The following COL6A2 variants were observed in gnomAD, a reference collection of about 807,000 sequenced individuals.
The protein encoded by COL6A2 is collagen alpha-2(VI) chain.
A neutral mutation model predicts 124.9 loss-of-function variants in COL6A2; 90 were observed. The observed-to-expected ratio is 0.72, with a 90% CI of 0.61 to 0.86. The LOEUF (loss-of-function observed/expected upper bound fraction) is 0.86. Ranked by LOEUF, COL6A2 falls within the 40% of genes least tolerant of loss-of-function variation. The pLI is 0.00. For synonymous variants in COL6A2, 793 were observed against 618.2 expected (o/e 1.28, Z -4.19); for missense variants, 1,607 against 1,502.5 (o/e 1.07, Z -1.15).
At chr21:46,098,716 G>T (rs2078254046) in intron 1 of COL6A2, 1 of 152,068 alleles carries the variant, frequency 6.6e-6, no homozygotes, top group South Asian at 2.1e-4. Flanking sequence ...GACGCGGGTG[G>T]CCCCGACGCC....
At chr21:46,098,859 C>G (rs2078255873) in intron 1 of COL6A2, 2 of 152,274 alleles carry the variant, frequency 1.3e-5, no homozygotes, top group South Asian at 4.1e-4. Flanking sequence ...CCGGGCCGCC[C>G]ACACCCGCCC....
At chr21:46,113,170 TC>T (rs1471690592) in intron 4 of COL6A2, among the ~76,000 whole-genome samples, 2 of 151,700 alleles carry the variant, frequency 1.3e-5, no homozygotes, top group Non-Finnish European at 2.9e-5. Context: ...ATCATCGGGG[TC>T]CATGACATCC....
chr21:46,118,979 T>A (rs887158758), intron 13 of COL6A2, 51 bp from the exon 14 acceptor site: 3 of 1,390,958 alleles, frequency 2.2e-6, no homozygotes, highest in Non-Finnish European at 3.1e-6. Context: ...GGCGTGACCA[T>A]GCCTCAGGGC....
At chr21:46,120,451 T>G (rs1377526797) in intron 15 of COL6A2, 64 bp from the exon 16 acceptor site, 1 of 1,381,222 alleles carries the variant, frequency 7.2e-7, no homozygotes, top group Non-Finnish European at 1.0e-6. Flanking sequence ...CACCCGCCTC[T>G]CACATGGGAC....
At chr21:46,120,947 G>A (rs927976128) in intron 16 of COL6A2, 114 bp from the exon 17 acceptor site, 20 of 1,002,020 alleles carry the variant, frequency 2.0e-5, no homozygotes, top group East Asian at 1.2e-4. Context: ...CATAGGGGCC[G>A]GGGCCAGACC....
intron 19 of COL6A2, 124 bp downstream of exon 19, chr21:46,122,282 C>T (rs1042144741): frequency 1.0e-5 from 13 of 1,272,702 alleles, no homozygotes; most frequent in East Asian, 9.9e-5. Context: ...GTCCCTCCTG[C>T]GGGACAGAGT....
intron 27 of COL6A2, among the ~76,000 whole-genome samples, chr21:46,130,631 A>G (rs1177781052): frequency 1.3e-5 from 2 of 152,188 alleles, no homozygotes; most frequent in Non-Finnish European, 2.9e-5. Flanking sequence ...CGTCTCCTCC[A>G]GGCCCCACAG....
At chr21:46,111,041 G>A (rs1265357998) in intron 1 of COL6A2, among the ~76,000 whole-genome samples, 2 of 152,196 alleles carry the variant, frequency 1.3e-5, no homozygotes, top group Non-Finnish European at 2.9e-5. Context: ...GTCTGGGGAA[G>A]CTGGGATCTC....
intron 21 of COL6A2, among the ~76,000 whole-genome samples, 170 bp from the exon 22 acceptor site, chr21:46,124,480 TG>T (rs1052289492): frequency 5.5e-4 from 84 of 152,166 alleles, no homozygotes; most frequent in African/African-American, 2.0e-3. Flanking sequence ...TTTCTAGCTC[TG>T]GTGCCAGCAT....
At position 46,118,616 on chromosome 21, in the gene COL6A2, G is replaced by A. The variant is rs760861317; in HGVS notation, c.1119G>A (p.Gly373=). 6.2e-7 allele frequency: 1 copy of A among 1,612,536 alleles called. No individual in the cohort carries two copies. Among genetic ancestry groups the A allele is most frequent in the Non-Finnish European group, 8.5e-7 (1 of 1,179,862 alleles). ...PGERGDQGGK[G]DPGRPGRRGP... ...GCTGATTCTGCAAACCCTTCCAGGG[G>A]GACCCTGGCCGCCCAGGACGCAGAG... The change falls in exon 13 of 28, where the codon GGG becomes GGA. Residue 373 remains glycine (G), a splice_region_variant and synonymous_variant. Coordinates refer to ENST00000300527, the MANE Select transcript of COL6A2 (RefSeq NM_001849.4).
chr21:46,122,087 C>G, intron 18 of COL6A2, 21 bp from the exon 19 acceptor site: 1 of 1,612,358 alleles, frequency 6.2e-7, no homozygotes, highest in South Asian at 1.1e-5. Flanking sequence ...CCATGCTGAC[C>G]GACTCAACGT....
In COL6A2 at chr21:46,117,342, G is replaced by C. The variant is rs529227908; in HGVS notation, c.1000-58G>C. The stretch of plus-strand genomic sequence containing the variant: ...CCGGGTGGGCTGTGTCTTGGTCGTT[G>C]GCACACATGGACCCCAGAACCCCGC... On this transcript the variant is annotated intron_variant, in intron 10 of 27. Transcript: ENST00000300527. 7.2e-5 allele frequency: 112 copies of C among 1,546,794 alleles called. No individual in the cohort carries two copies. The African/African-American group carries it at 1.5e-3, about 20-fold the overall frequency.
rs537633640 is a variant in COL6A2, at chr21:46,110,668, C to T, written c.-27-782C>T. 7.2e-5 allele frequency among the ~76,000 whole-genome samples: 11 copies of T among 152,200 alleles called. No individual in the cohort carries two copies. The South Asian group carries it at 1.0e-3, about 14-fold the overall frequency. On this transcript the variant is annotated intron_variant, in intron 1 of 27. Coordinates refer to ENST00000300527, the MANE Select transcript of COL6A2 (RefSeq NM_001849.4). ...CCTCCCATCTGCACCGAGGAGAGGG[C>T]GGCACTCCAATCCCTGCATTACCCC...
At chr21:46,114,295 T>G (rs561546251) in intron 5 of COL6A2, among the ~76,000 whole-genome samples, 83 of 151,836 alleles carry the variant, frequency 5.5e-4, no homozygotes, top group Non-Finnish European at 9.7e-4. Flanking sequence ...CGTAGTGGCA[T>G]GCGCCTGTAG....
chr21:46,121,242 G>A (rs2078561449), intron 17 of COL6A2, 119 bp downstream of exon 17: 2 of 1,015,936 alleles, frequency 2.0e-6, no homozygotes, highest in Admixed American at 1.9e-5. Context: ...AGCAGAGCCT[G>A]GCCTCAGAAG....
At chr21:46,100,905 G>T (rs1054584302) in intron 1 of COL6A2, among the ~76,000 whole-genome samples, 3 of 152,158 alleles carry the variant, frequency 2.0e-5, no homozygotes, top group African/African-American at 7.2e-5. Flanking sequence ...CACTTCTTTT[G>T]AGTATGTTCC....
At chr21:46,123,824 A>ATGGGTGGG (rs148769811) in intron 21 of COL6A2, among the ~76,000 whole-genome samples, 16,944 of 144,188 alleles carry the variant, frequency 0.12, 1,195 homozygotes, top group East Asian at 0.32. Context: ...GGATGAATGG[A>ATGGGTGGG]TGGGTGCATA....
chr21:46,117,088 T>C (rs368000563), intron 10 of COL6A2, among the ~76,000 whole-genome samples: 3 of 152,200 alleles, frequency 2.0e-5, no homozygotes, highest in African/African-American at 7.2e-5. Flanking sequence ...GCCTACCCAC[T>C]CCCAGGTCAA....
rs2078515700 is a variant in COL6A2 at position 46,118,757 on chromosome 21, C to G, written c.1179+81C>G. On this transcript the variant is annotated intron_variant, in intron 13 of 27. Transcript: ENST00000300527. The stretch of plus-strand genomic sequence containing the variant: ...CCCAGATGAACAGTCACGCTGGCCA[C>G]CATCTCTGCTGTCACCATGGTGCCG... 3.4e-6 allele frequency: 5 copies of G among 1,472,680 alleles called. No individual in the cohort carries two copies. In the East Asian group the frequency reaches 9.5e-5, roughly 28 times the overall value. The allele number at this position is 1,472,680 out of a possible 1,614,324, so 91.2% of individuals were successfully genotyped here.
Sources: allele counts gnomAD v4.1 joint callset (sites outside exome capture counted in the v4.1 genomes callset), GRCh38; gene constraint gnomAD v4.1.1; transcripts MANE v1.5; gene names NCBI Gene and HGNC (gene_info 2026-07-23, HGNC 2026-07-21).